PSD2: variants seen among roughly 807,000 people sequenced by gnomAD.
PSD2 encodes pleckstrin and Sec7 domain containing 2, also known as PH and SEC7 domain-containing protein 2.
A neutral mutation model predicts 69.8 loss-of-function variants in PSD2; 38 were observed. The observed-to-expected ratio is 0.54, with a 90% CI of 0.42 to 0.71. PSD2 has a LOEUF of 0.71. PSD2 is among the 30% of genes least tolerant of loss of function. The probability of loss-of-function intolerance (pLI) is 0.00; values close to 1 mark genes in which losing one functional copy is unlikely to be tolerated. For missense variants in PSD2, 943 were observed against 1,014.5 expected (o/e 0.93, Z 0.96); for synonymous variants, 412 against 423.0 (o/e 0.97, Z 0.32).
the PSD2 span, among the ~76,000 whole-genome samples, chr5:139,752,020 C>T: frequency 1.3e-5 from 2 of 151,842 alleles, no homozygotes; most frequent in African/African-American, 2.4e-5. Flanking sequence ...CTGGAACTCC[C>T]GACCTCAGGT....
the PSD2 span, among the ~76,000 whole-genome samples, chr5:139,766,909 CT>C: frequency 6.4e-4 from 25 of 38,790 alleles, 2 homozygotes; most frequent in East Asian, 1.4e-3. Context: ...CTTTCCCTCC[CT>C]TCCTTCCTTC....
intron 7 of PSD2, among the ~76,000 whole-genome samples, chr5:139,829,729 C>T (rs1440847210): frequency 1.3e-5 from 2 of 152,120 alleles, no homozygotes; most frequent in African/African-American, 4.8e-5. Context: ...TTTATCTGTT[C>T]ATCTCTTGAT....
intron 5 of PSD2, among the ~76,000 whole-genome samples, chr5:139,821,338 C>G (rs1268536064): frequency 6.6e-6 from 1 of 152,150 alleles, no homozygotes; most frequent in Non-Finnish European, 1.5e-5. Flanking sequence ...GCCCCGTTGT[C>G]CTGGGCACAT....
intron 7 of PSD2, 98 bp from the exon 8 acceptor site, chr5:139,833,604 T>C: frequency 1.2e-6 from 1 of 815,944 alleles, no homozygotes; most frequent in South Asian, 1.4e-5. Flanking sequence ...TTATTGCCCT[T>C]AATGCTGCCT....
the PSD2 span, among the ~76,000 whole-genome samples, chr5:139,786,193 T>C: frequency 2.6e-5 from 4 of 152,146 alleles, no homozygotes; most frequent in Non-Finnish European, 4.4e-5. Flanking sequence ...GAGATCGGCC[T>C]GAGCAACATA....
intron 1 of PSD2, among the ~76,000 whole-genome samples, chr5:139,796,738 ATTGTT>A: frequency 6.6e-6 from 1 of 152,154 alleles, no homozygotes; most frequent in East Asian, 1.9e-4. Context: ...CACTGGGGGC[ATTGTT>A]TTTGCATAGG....
chr5:139,838,880 G>T, intron 13 of PSD2, 108 bp downstream of exon 13: 1 of 1,229,020 alleles, frequency 8.1e-7, no homozygotes, highest in Admixed American at 2.2e-5. Flanking sequence ...GTGATCCTGG[G>T]CTGAAGGACA....
chr5:139,837,530 A>C lies in PSD2; in HGVS notation c.1666-95A>C, dbSNP rs1760763860. On this transcript the variant is annotated intron_variant, in intron 11 of 14. Transcript: ENST00000274710. The surrounding 1 kb of genome is among the most constrained non-coding windows in gnomAD (Gnocchi z 5.0). ...GGTGAGGCAGCAGGAACAGAAAATT[A>C]AGGGAGCCGTAGGGTTAGACAGAGA... is the stretch of plus-strand genomic sequence containing the variant. 1 of 1,321,014 alleles carries C rather than the reference A, an allele frequency of 7.6e-7. No individual in the cohort carries two copies. The highest frequency in any genetic ancestry group is 1.5e-5 in the African/African-American group (1 of 67,598). The allele number at this position is 1,321,014 out of a possible 1,614,324, so 81.8% of individuals were successfully genotyped here. A position where few individuals can be genotyped will look rare whatever the true frequency, so the allele number is the denominator to read the frequency against.
At chr5:139,753,393 C>A in the PSD2 span, among the ~76,000 whole-genome samples, 2 of 152,164 alleles carry the variant, frequency 1.3e-5, no homozygotes, top group Non-Finnish European at 2.9e-5. Context: ...ACCCTCCCTC[C>A]CAGCTGTCCC....
At chr5:139,810,443 GTC>G (rs1021606071) in intron 2 of PSD2, among the ~76,000 whole-genome samples, 60 of 152,218 alleles carry the variant, frequency 3.9e-4, no homozygotes, top group African/African-American at 1.4e-3. Context: ...GCATTTAGAA[GTC>G]TTAGTGTGCA....
rs58644184 is a variant in PSD2 at position 139,830,626 on chromosome 5, C to CTTTCTCTTTCTT, written c.1270-3075_1270-3074insTTCTCTTTCTTT. Among the ~76,000 whole-genome samples the CTTTCTCTTTCTT allele has an allele frequency of 2.0e-4, 20 of 97,664 alleles. No homozygotes were observed. In the South Asian group the frequency reaches 2.8e-3, roughly 14 times the overall value. The allele number at this position is 97,664 out of a possible 152,430, so 64.1% of individuals were successfully genotyped here. A position where few individuals can be genotyped will look rare whatever the true frequency, so the allele number is the denominator to read the frequency against. On this transcript the variant is annotated intron_variant, in intron 7 of 14. Coordinates refer to ENST00000274710, the MANE Select transcript of PSD2 (RefSeq NM_032289.4). ...TTTCTTTCTCTTTCTTTCTTTCTTTCTCTTTCTTTCTTTCTTTCTTTCTTT... is the reference window on the plus strand; with the variant it reads ...TTTCTTTCTCTTTCTTTCTTTCTTTCTTTCTCTTTCTTTCTTTCTTTCTTTCTTTCTTTCTTT...
At chr5:139,768,632 A>G in the PSD2 span, among the ~76,000 whole-genome samples, 1 of 151,812 alleles carries the variant, frequency 6.6e-6, no homozygotes, top group Non-Finnish European at 1.5e-5. Flanking sequence ...CTGAGGCAGG[A>G]GAATTGCTTG....
upstream of PSD2, chr5:139,795,718 C>T (rs1246115952): frequency 6.6e-6 from 1 of 151,634 alleles, no homozygotes; most frequent in Non-Finnish European, 1.5e-5. The surrounding 1 kb of genome is among the most constrained non-coding windows in gnomAD (Gnocchi z 4.5). Flanking sequence ...GCCCGCCGCT[C>T]GCGCGCCCGC....
Position 139,837,515 on chromosome 5 carries a change from C to CA in PSD2, c.1666-109dup. ...ATTCTTGTTGGGGTGGGTGAGGCAG[C>CA]AGGAACAGAAAATTAAGGGAGCCGT... On this transcript the variant is annotated intron_variant, in intron 11 of 14. Coordinates refer to ENST00000274710, the MANE Select transcript of PSD2 (RefSeq NM_032289.4). This position sits in a 1 kb window ranked among gnomAD's most constrained non-coding sequence, Gnocchi z 5.0. 8.3e-7 allele frequency: 1 copy of CA among 1,200,172 alleles called. No homozygotes were observed. Among genetic ancestry groups the CA allele is most frequent in the Non-Finnish European group, 1.2e-6 (1 of 854,016 alleles). The allele number at this position is 1,200,172 out of a possible 1,614,324, so 74.3% of individuals were successfully genotyped here.
At chr5:139,758,806 C>T in the PSD2 span, among the ~76,000 whole-genome samples, 1 of 152,008 alleles carries the variant, frequency 6.6e-6, no homozygotes, top group South Asian at 2.1e-4. Context: ...CAGAGGTGGC[C>T]ATGATTAGCA....
At chr5:139,781,392 G>C in the PSD2 span, among the ~76,000 whole-genome samples, 1 of 149,734 alleles carries the variant, frequency 6.7e-6, no homozygotes, top group Non-Finnish European at 1.5e-5. Context: ...CTGGAGTGCA[G>C]TGGTGCAATC....
At position 139,813,607 on chromosome 5, in the gene PSD2, C is replaced by A; in HGVS notation, c.670C>A (p.Arg224Ser). 4 of 1,613,862 alleles carry A rather than the reference C, an allele frequency of 2.5e-6. No homozygotes were observed. The highest frequency in any genetic ancestry group is 2.5e-6 in the Non-Finnish European group (3 of 1,179,914). Reference sequence around the variant, plus strand: ...TGGGGAGCTGGGCAGCCCCCTGCGGCGCTCCATCTCCAGCAGCCGCTCTGA... The same window carrying A: ...TGGGGAGCTGGGCAGCCCCCTGCGGAGCTCCATCTCCAGCAGCCGCTCTGA... ...GDGELGSPLR[R>S]SISSSRSENV... The change falls in exon 3 of 15, where the codon CGC (arginine) becomes AGC (serine). Residue 224 changes from arginine to serine, a missense_variant. Physicochemically the swap from Arg to Ser is moderately radical, Grantham distance 110. Around this residue, in one of 3 missense-constraint regions of PSD2, gnomAD observed 466 missense variants for 445.0 expected, o/e 1.05. Coordinates refer to ENST00000274710, the MANE Select transcript of PSD2 (RefSeq NM_032289.4).
chr5:139,763,136 A>G, the PSD2 span, among the ~76,000 whole-genome samples: 5 of 152,060 alleles, frequency 3.3e-5, no homozygotes, highest in African/African-American at 4.8e-5. Context: ...GGGCGGGCCC[A>G]GGGAGGAATA....
the PSD2 span, among the ~76,000 whole-genome samples, chr5:139,771,798 G>A: frequency 9.5e-3 from 1,454 of 152,316 alleles, 10 homozygotes; most frequent in Non-Finnish European, 0.016. Context: ...TAGCGCATAT[G>A]GGGAAGTAAG....
Sources: gnomAD v4.1 joint callset for allele counts (sites outside exome capture counted in the v4.1 genomes callset) on GRCh38, gnomAD v4.1.1 for gene constraint, gnomAD v4.1.1 regional missense constraint, Gnocchi (gnomAD v3.1) non-coding constraint, MANE v1.5 for transcripts, NCBI Gene and HGNC (gene_info 2026-07-23, HGNC 2026-07-21) for gene names.